The following FRMD4A variants were observed in gnomAD, a reference collection of about 807,000 sequenced individuals.
The protein encoded by FRMD4A is FERM domain-containing protein 4A.
In FRMD4A, 29 loss-of-function variants were observed where a neutral mutation model predicts 129.1. That is an observed-to-expected ratio of 0.22 (90% CI 0.17 to 0.31). FRMD4A has a LOEUF of 0.31. Among genes scored for constraint, FRMD4A ranks in the 10% least tolerant of loss-of-function variants. The probability of loss-of-function intolerance (pLI) is 1.00; values close to 1 mark genes in which losing one functional copy is unlikely to be tolerated. For missense variants in FRMD4A, 1,272 were observed against 1,375.8 expected (o/e 0.92, Z 1.19); for synonymous variants, 634 against 571.6 (o/e 1.11, Z -1.56).
chr10:14,207,029 A>G (rs1048001746), intron 2 of FRMD4A, among the ~76,000 whole-genome samples: 1 of 152,018 alleles, frequency 6.6e-6, no homozygotes, highest in Non-Finnish European at 1.5e-5. Flanking sequence ...ACTTCTGCCC[A>G]AGGATGGTCA....
intron 4 of FRMD4A, among the ~76,000 whole-genome samples, chr10:13,806,142 C>A (rs980428887): frequency 1.3e-5 from 2 of 152,016 alleles, no homozygotes; most frequent in Non-Finnish European, 2.9e-5. Context: ...CAGGTGTGAG[C>A]CACAATTTTT....
At chr10:13,907,826 C>CCTAAAATT (rs2094897976) in intron 2 of FRMD4A, among the ~76,000 whole-genome samples, 1 of 148,054 alleles carries the variant, frequency 6.8e-6, no homozygotes, top group Non-Finnish European at 1.5e-5. Flanking sequence ...TACAAAAGTA[C>CCTAAAATT]CTAAAATTCT....
At chr10:14,101,468 A>G (rs1272477951) in intron 2 of FRMD4A, among the ~76,000 whole-genome samples, 1 of 152,234 alleles carries the variant, frequency 6.6e-6, no homozygotes, top group Non-Finnish European at 1.5e-5. Flanking sequence ...TTCCACGGAC[A>G]TTCATTTATG....
chr10:14,136,060 A>T (rs1016017461), intron 2 of FRMD4A, among the ~76,000 whole-genome samples: 1 of 152,160 alleles, frequency 6.6e-6, no homozygotes, highest in Non-Finnish European at 1.5e-5. Flanking sequence ...TTTTCCTATC[A>T]TCTTGTTAAT....
intron 2 of FRMD4A, among the ~76,000 whole-genome samples, chr10:14,129,810 C>T (rs1474190459): frequency 6.6e-6 from 1 of 152,166 alleles, no homozygotes. Flanking sequence ...TTAATTAACA[C>T]TCAACAATGA....
chr10:14,109,967 TC>T (rs1259477699), intron 2 of FRMD4A, among the ~76,000 whole-genome samples: 1 of 144,664 alleles, frequency 6.9e-6, no homozygotes, highest in Non-Finnish European at 1.5e-5. Context: ...CAAGACTCCG[TC>T]TCCCTCCCCC....
At chr10:13,913,281 G>A (rs2094962881) in intron 2 of FRMD4A, among the ~76,000 whole-genome samples, 1 of 152,132 alleles carries the variant, frequency 6.6e-6, no homozygotes, top group Admixed American at 6.5e-5. Flanking sequence ...GGGACAAAGG[G>A]ATGGAGTTAA....
intron 2 of FRMD4A, among the ~76,000 whole-genome samples, chr10:14,001,960 C>G (rs2095644398): frequency 1.3e-5 from 2 of 152,212 alleles, no homozygotes; most frequent in African/African-American, 4.8e-5. Context: ...AGCACACACT[C>G]AACGATAGAG....
intron 2 of FRMD4A, among the ~76,000 whole-genome samples, chr10:14,111,281 C>G (rs1040801344): frequency 2.0e-5 from 3 of 152,164 alleles, no homozygotes; most frequent in African/African-American, 7.2e-5. Flanking sequence ...ATAATGTCCT[C>G]CAGGTGCACA....
At chr10:13,943,130 G>A (rs935737301) in intron 2 of FRMD4A, among the ~76,000 whole-genome samples, 4 of 152,076 alleles carry the variant, frequency 2.6e-5, no homozygotes, top group South Asian at 2.1e-4. Flanking sequence ...GGGAGGAACC[G>A]TGCTTTCTCA....
At position 13,657,073 on chromosome 10, in the gene FRMD4A, A is replaced by C; in HGVS notation, c.2516T>G (p.Leu839Arg). The change falls in exon 22 of 25, where the codon CTG becomes CGG. Residue 839 changes from leucine to arginine, a missense_variant. Physicochemically the swap from Leu to Arg is moderately radical, Grantham distance 102 (BLOSUM62 -2). Transcript: ENST00000357447. The stretch of plus-strand genomic sequence containing the variant: ...GGGCGTGGCGCCGCCCTCGATGTAC[A>C]GCGGGTACTCCTTGATGCGGTACTG... The part of the protein sequence containing the change: ...SSQYRIKEYP[L>R]YIEGGATPVV... 1 of 1,577,470 alleles carries C rather than the reference A, an allele frequency of 6.3e-7. No individual in the cohort carries two copies. The highest frequency in any genetic ancestry group is 8.6e-7 in the Non-Finnish European group (1 of 1,168,114).
intron 2 of FRMD4A, among the ~76,000 whole-genome samples, chr10:14,291,260 A>C (rs917512105): frequency 6.6e-6 from 1 of 152,220 alleles, no homozygotes; most frequent in Admixed American, 6.5e-5. Context: ...CTTTCCAATT[A>C]TCTTACCAAA....
chr10:13,966,686 T>C (rs1302672851), intron 2 of FRMD4A, among the ~76,000 whole-genome samples: 1 of 152,224 alleles, frequency 6.6e-6, no homozygotes, highest in Non-Finnish European at 1.5e-5. Flanking sequence ...CACAGCCACA[T>C]CCTGCCTCTG....
intron 2 of FRMD4A, among the ~76,000 whole-genome samples, chr10:14,121,728 C>T (rs1472736367): frequency 1.3e-5 from 2 of 152,204 alleles, no homozygotes; most frequent in Non-Finnish European, 2.9e-5. Context: ...AAGAGCATGT[C>T]GATGCTAGCA....
At chr10:14,260,648 G>A (rs1042139977) in intron 2 of FRMD4A, among the ~76,000 whole-genome samples, 9 of 152,062 alleles carry the variant, frequency 5.9e-5, no homozygotes, top group African/African-American at 2.2e-4. Context: ...ACTTCAAATT[G>A]GGCCACTCCT....
chr10:13,652,480 G>A (rs1277283696), intron 23 of FRMD4A: 1 of 166,140 alleles, frequency 6.0e-6, no homozygotes, highest in African/African-American at 2.4e-5. Context: ...TTCTTGTTTA[G>A]TCACTGGAGG....
intron 2 of FRMD4A, among the ~76,000 whole-genome samples, chr10:13,943,474 C>T (rs554853318): frequency 2.0e-5 from 3 of 151,122 alleles, no homozygotes; most frequent in Non-Finnish European, 4.4e-5. Context: ...ATGGTGAAAC[C>T]CTGTCTCTAC....
intron 2 of FRMD4A, among the ~76,000 whole-genome samples, chr10:14,013,208 G>A (rs1032707065): frequency 3.3e-5 from 5 of 152,202 alleles, no homozygotes; most frequent in African/African-American, 1.2e-4. Flanking sequence ...GGCTGACATT[G>A]TAAATATCTG....
rs66547751 is a variant in FRMD4A at position 14,318,612 on chromosome 10, C to CAAAA, written c.45+11442_45+11445dup. Among the ~76,000 whole-genome samples, 172 of 135,026 alleles carry CAAAA rather than the reference C, an allele frequency of 1.3e-3. 2 individuals are homozygous for CAAAA. Among genetic ancestry groups the CAAAA allele is most frequent in the African/African-American group, 4.7e-3 (164 of 35,102 alleles). The allele number at this position is 135,026 out of a possible 152,430, so 88.6% of individuals were successfully genotyped here. ...CAAAAGGCAGCTCTTTGCTAGTATG[C>CAAAA]AAAAAAAAAAAAAAAAATGACTCCT... On this transcript the variant is annotated intron_variant, in intron 2 of 24. Transcript: ENST00000357447.
Sources: allele counts gnomAD v4.1 joint callset (sites outside exome capture counted in the v4.1 genomes callset), GRCh38; gene constraint gnomAD v4.1.1; transcripts MANE v1.5; gene names NCBI Gene and HGNC (gene_info 2026-07-23, HGNC 2026-07-21).